PTPN3: variants seen among roughly 807,000 people sequenced by gnomAD.
PTPN3 encodes the protein tyrosine-protein phosphatase non-receptor type 3.
PTPN3 carries 96 observed loss-of-function variants against 132.7 expected under a neutral mutation model. The observed-to-expected ratio is 0.72, with a 90% confidence interval of 0.61 to 0.86. The LOEUF (loss-of-function observed/expected upper bound fraction) is 0.86. Among genes scored for constraint, PTPN3 ranks in the 40% least tolerant of loss-of-function variants. The pLI is 0.00. For synonymous variants in PTPN3, 398 were observed against 429.0 expected (o/e 0.93, Z 0.89); for missense variants, 1,125 against 1,159.6 (o/e 0.97, Z 0.43).
At position 109,436,973 on chromosome 9, in the gene PTPN3, A is replaced by G. The variant is rs766527784; in HGVS notation, c.588-3T>C. ...CTGCTTCTGATTGTTTTAGCCCACT[A>G]CGGAAGAAAAGACAAAAAGCAGAGT... On this transcript the variant is annotated splice_polypyrimidine_tract_variant and splice_region_variant and intron_variant, in intron 8 of 25. Coordinates refer to ENST00000374541, the MANE Select transcript of PTPN3 (RefSeq NM_002829.4). The G allele has an allele frequency of 5.6e-6, 9 of 1,613,592 alleles. No individual in the cohort carries two copies. The South Asian group carries it at 9.9e-5, about 18-fold the overall frequency.
At chr9:109,471,337 C>T (rs752960584) in intron 1 of PTPN3, among the ~76,000 whole-genome samples, 22 of 152,312 alleles carry the variant, frequency 1.4e-4, no homozygotes, top group African/African-American at 4.8e-5. Context: ...GGATTACAGG[C>T]GTGAGCCATC....
intron 21 of PTPN3, 151 bp downstream of exon 21, chr9:109,390,987 A>G (rs1055369341): frequency 1.3e-5 from 9 of 693,022 alleles, no homozygotes; most frequent in South Asian, 1.0e-4. Flanking sequence ...AAATGAGACT[A>G]TTCTGCCTGC....
In PTPN3 at chr9:109,410,075, T is replaced by G. The variant is rs775242064; in HGVS notation, c.1502A>C (p.Asn501Thr). 6.2e-7 allele frequency: 1 copy of G among 1,614,120 alleles called. No individual in the cohort carries two copies. Among genetic ancestry groups the G allele is most frequent in the African/African-American group, 1.3e-5 (1 of 74,938 alleles). ...EDASQYYCDK[N>T]DNGDSYLVLI... ...GACTAAGTAGCTGTCACCATTATCA[T>G]TCTGGAAAACGGTTTGAAAGTGGTC... The change falls in exon 16 of 26, where the codon AAT becomes ACT. Residue 501 changes from asparagine to threonine, a missense_variant and splice_region_variant. Transcript: ENST00000374541.
At chr9:109,408,708 C>A (rs1841774930) in intron 16 of PTPN3, among the ~76,000 whole-genome samples, 1 of 150,892 alleles carries the variant, frequency 6.6e-6, no homozygotes, top group South Asian at 2.1e-4. Context: ...GAGAGGGACT[C>A]CACAGCATGT....
At chr9:109,404,084 T>C (rs1841362314) in intron 19 of PTPN3, among the ~76,000 whole-genome samples, 1 of 152,216 alleles carries the variant, frequency 6.6e-6, no homozygotes, top group Admixed American at 6.5e-5. Context: ...GCTTTTGTGT[T>C]GGCAGTTAAA....
At position 109,404,471 on chromosome 9, in the gene PTPN3, C is replaced by A; in HGVS notation, c.1930G>T (p.Gly644Trp). The change falls in exon 19 of 26, where the codon GGG (glycine) becomes TGG (tryptophan). Residue 644 changes from glycine to tryptophan, a missense_variant. By Grantham distance (184) the Gly-to-Trp change is radical (BLOSUM62 -2). Transcript: ENST00000374541. The part of the protein sequence containing the change: ...MAQLKKGLES[G>W]TVLIQFEQLY... ...ACCTCAAACTGGATCAGCACCGTCC[C>A]GCTTTCGAGGCCCTTCTTTAGCTGT... The A allele has an allele frequency of 1.3e-6, 2 of 1,500,178 alleles. No homozygotes were observed. Among genetic ancestry groups the A allele is most frequent in the Admixed American group, 1.8e-5 (1 of 54,670 alleles). The allele number at this position is 1,500,178 out of a possible 1,614,324, so 92.9% of individuals were successfully genotyped here.
the PTPN3 span, chr9:109,534,029 G>C: frequency 1.3e-6 from 1 of 769,110 alleles, no homozygotes; most frequent in African/African-American, 1.7e-5. Context: ...TCTACACTGC[G>C]AAGGTACCTC....
chr9:109,428,744 G>T, intron 10 of PTPN3, 60 bp from the exon 11 acceptor site: 1 of 1,564,258 alleles, frequency 6.4e-7, no homozygotes, highest in South Asian at 1.2e-5. Context: ...GGTTGAAGCT[G>T]ATGCCTCTCA....
chr9:109,521,330 T>C, the PTPN3 span, among the ~76,000 whole-genome samples: 1 of 152,020 alleles, frequency 6.6e-6, no homozygotes, highest in Non-Finnish European at 1.5e-5. Flanking sequence ...AGCTAAGGTT[T>C]TGTATTTTTT....
intron 10 of PTPN3, among the ~76,000 whole-genome samples, chr9:109,429,236 A>G (rs1322513775): frequency 6.6e-6 from 1 of 152,204 alleles, no homozygotes; most frequent in East Asian, 1.9e-4. Context: ...ATATTGTTAT[A>G]CCCAGTTTTC....
intron 4 of PTPN3, among the ~76,000 whole-genome samples, 191 bp downstream of exon 4, chr9:109,456,982 T>C (rs1478344097): frequency 1.3e-5 from 2 of 152,090 alleles, no homozygotes; most frequent in East Asian, 3.9e-4. Flanking sequence ...CTGGGGCGGA[T>C]CCTAGAGGGC....
intron 17 of PTPN3, 136 bp downstream of exon 17, chr9:109,408,185 T>C (rs1157389464): frequency 3.6e-5 from 22 of 613,464 alleles, no homozygotes; most frequent in Non-Finnish European, 5.7e-5. Flanking sequence ...CGCAAGGTTA[T>C]AGAAAACATG....
chr9:109,464,124 G>T (rs930492024), intron 1 of PTPN3, among the ~76,000 whole-genome samples: 1 of 152,172 alleles, frequency 6.6e-6, no homozygotes, highest in Non-Finnish European at 1.5e-5. Flanking sequence ...ATTCAAGACT[G>T]GCAAAACCAC....
Position 109,389,266 on chromosome 9 carries a change from A to C in PTPN3, c.2220T>G (p.Ile740Met). 1 of 1,614,194 alleles carries C rather than the reference A, an allele frequency of 6.2e-7. No individual in the cohort carries two copies. The change falls in exon 22 of 26, where the codon ATT (isoleucine) becomes ATG (methionine). Residue 740 changes from isoleucine (I) to methionine (M), a missense_variant. By Grantham distance (10) the Ile-to-Met change is conservative. Transcript: ENST00000374541. Reference protein sequence around the residue: ...QVVWDQKLSLIVMLTTLTERG... With the variant: ...QVVWDQKLSLMVMLTTLTERG... ...GTTCTGTGAGAGTCGTCAACATGAC[A>C]ATGAGTGACAACTTCTGATCCCAGA...
intron 19 of PTPN3, among the ~76,000 whole-genome samples, chr9:109,396,265 TGA>T (rs1394877280): frequency 2.0e-5 from 3 of 152,096 alleles, no homozygotes; most frequent in African/African-American, 7.2e-5. Flanking sequence ...GAGTGGAAAG[TGA>T]GTGTAGGAAT....
chr9:109,384,013 T>C (rs1004487858), intron 22 of PTPN3, among the ~76,000 whole-genome samples: 1 of 152,104 alleles, frequency 6.6e-6, no homozygotes, highest in Non-Finnish European at 1.5e-5. Flanking sequence ...TCTGGTGTCA[T>C]ACACAACTCC....
chr9:109,426,822 A>C, intron 12 of PTPN3, 128 bp downstream of exon 12: 1 of 1,025,532 alleles, frequency 9.8e-7, no homozygotes, highest in Non-Finnish European at 1.4e-6. Flanking sequence ...TATGGTTCAG[A>C]GATCCAATGC....
intron 19 of PTPN3, among the ~76,000 whole-genome samples, chr9:109,394,363 G>T (rs1004474183): frequency 1.3e-5 from 2 of 152,076 alleles, no homozygotes; most frequent in East Asian, 3.9e-4. Flanking sequence ...ATGTATCTCA[G>T]CAGTAATGAT....
chr9:109,418,877 G>A (rs1474252078), intron 14 of PTPN3, among the ~76,000 whole-genome samples: 2 of 152,220 alleles, frequency 1.3e-5, no homozygotes, highest in African/African-American at 2.4e-5. Flanking sequence ...AAGCTCTGAC[G>A]CAGCAGGTGT....
Sources: allele counts gnomAD v4.1 joint callset (sites outside exome capture counted in the v4.1 genomes callset), GRCh38; gene constraint gnomAD v4.1.1; transcripts MANE v1.5; gene names NCBI Gene and HGNC (gene_info 2026-07-23, HGNC 2026-07-21).